Variants in THSD4 observed in about 807,000 individuals in gnomAD.
The protein encoded by THSD4 is thrombospondin type-1 domain-containing protein 4.
In THSD4, 69 loss-of-function variants were observed where a neutral mutation model predicts 119.0. The observed-to-expected ratio is 0.58, with a 90% confidence interval of 0.48 to 0.71. The LOEUF (loss-of-function observed/expected upper bound fraction) is 0.71, where lower values mean the gene tolerates loss of function less well. Ranked by LOEUF, THSD4 falls within the 30% of genes least tolerant of loss-of-function variation. The pLI is 0.00. For synonymous variants in THSD4, 524 were observed against 540.4 expected (o/e 0.97, Z 0.42); for missense variants, 1,393 against 1,391.1 (o/e 1.00, Z -0.02).
intron 6 of THSD4, among the ~76,000 whole-genome samples, chr15:71,344,728 C>T (rs531479627): frequency 4.6e-5 from 7 of 152,298 alleles, no homozygotes; most frequent in Admixed American, 1.3e-4. Flanking sequence ...AATGTAGAAG[C>T]ACCAAATTGT....
At chr15:71,665,367 G>A (rs1299523712) in intron 8 of THSD4, among the ~76,000 whole-genome samples, 1 of 151,512 alleles carries the variant, frequency 6.6e-6, no homozygotes, top group African/African-American at 2.4e-5. Flanking sequence ...CCGTAAACTT[G>A]TGAAAGTTCC....
At chr15:71,752,628 T>A (rs1043097890) in intron 14 of THSD4, among the ~76,000 whole-genome samples, 2 of 152,234 alleles carry the variant, frequency 1.3e-5, no homozygotes, top group Non-Finnish European at 2.9e-5. Flanking sequence ...TGACCATCAC[T>A]TATTTCGTAT....
chr15:71,599,911 A>T (rs1052256341), intron 7 of THSD4, among the ~76,000 whole-genome samples: 1 of 152,172 alleles, frequency 6.6e-6, no homozygotes, highest in Non-Finnish European at 1.5e-5. Flanking sequence ...CAGAGCCACA[A>T]ATCTTCTCAC....
chr15:71,612,704 G>T (rs2050252010), intron 7 of THSD4, among the ~76,000 whole-genome samples: 1 of 152,162 alleles, frequency 6.6e-6, no homozygotes, highest in African/African-American at 2.4e-5. Flanking sequence ...AACTCAAAGG[G>T]TCACAGTCAG....
At chr15:71,724,266 G>GATATATATATAT (rs144736427) in intron 8 of THSD4, among the ~76,000 whole-genome samples, 2 of 74,606 alleles carry the variant, frequency 2.7e-5, no homozygotes, top group African/African-American at 3.3e-5. Flanking sequence ...TCTATGATGG[G>GATATATATATAT]ATATATATAT....
intron 14 of THSD4, among the ~76,000 whole-genome samples, chr15:71,749,695 A>T (rs57127084): frequency 2.9e-5 from 1 of 34,902 alleles, no homozygotes; most frequent in African/African-American, 8.1e-5. Flanking sequence ...ATATTTTTAA[A>T]TTTTTATTTA....
chr15:71,434,014 A>C (rs1267598828), intron 7 of THSD4, among the ~76,000 whole-genome samples: 2 of 152,144 alleles, frequency 1.3e-5, no homozygotes, highest in African/African-American at 4.8e-5. Flanking sequence ...TAGTTTTATT[A>C]CACTAAAACA....
At chr15:71,545,794 G>A (rs373962886) in intron 7 of THSD4, among the ~76,000 whole-genome samples, 22 of 152,050 alleles carry the variant, frequency 1.4e-4, no homozygotes, top group Admixed American at 1.1e-3. Flanking sequence ...TTACAGCCCT[G>A]TAAAAAGGAA....
At chr15:71,599,338 G>A (rs1052358176) in intron 7 of THSD4, among the ~76,000 whole-genome samples, 26 of 152,024 alleles carry the variant, frequency 1.7e-4, no homozygotes, top group African/African-American at 6.0e-4. Context: ...GAGAGTCCAA[G>A]TCCTCTGAGC....
chr15:71,542,392 A>T (rs751832967), intron 7 of THSD4, among the ~76,000 whole-genome samples: 5 of 152,190 alleles, frequency 3.3e-5, no homozygotes, highest in African/African-American at 1.2e-4. Context: ...GGAAAAGGAA[A>T]AATACTATCT....
intron 6 of THSD4, among the ~76,000 whole-genome samples, chr15:71,379,447 C>CTTTT (rs1356266423): frequency 6.2e-5 from 7 of 112,838 alleles, no homozygotes; most frequent in South Asian, 3.3e-4. Context: ...AAGCAAATGG[C>CTTTT]TTCTTTTTTT....
chr15:71,512,149 C>G (rs2048292747), intron 7 of THSD4, among the ~76,000 whole-genome samples: 1 of 152,110 alleles, frequency 6.6e-6, no homozygotes. Flanking sequence ...AATTCTATGC[C>G]TAATGTGTTC....
At chr15:71,158,287 G>A (rs2040800991) in intron 3 of THSD4, among the ~76,000 whole-genome samples, 1 of 151,372 alleles carries the variant, frequency 6.6e-6, no homozygotes, top group Non-Finnish European at 1.5e-5. Context: ...CTGAGTAGCT[G>A]GGATTACAGG....
chr15:71,487,141 G>A (rs2047834992), intron 7 of THSD4, among the ~76,000 whole-genome samples: 2 of 152,190 alleles, frequency 1.3e-5, no homozygotes, highest in Admixed American at 1.3e-4. Flanking sequence ...AGTGCAACAT[G>A]CTTCTGACCT....
intron 1 of THSD4, among the ~76,000 whole-genome samples, chr15:71,125,695 G>T (rs1025359181): frequency 2.8e-4 from 43 of 152,196 alleles, no homozygotes; most frequent in Admixed American, 2.5e-3. Context: ...AGTCAGGAGG[G>T]GGGCGCCAGG....
At chr15:71,327,009 A>G (rs1218185025) in intron 6 of THSD4, among the ~76,000 whole-genome samples, 1 of 151,580 alleles carries the variant, frequency 6.6e-6, no homozygotes, top group Non-Finnish European at 1.5e-5. Flanking sequence ...CTCTACTAAA[A>G]TACAAAAATT....
At chr15:71,669,250 A>C (rs1046708592) in intron 8 of THSD4, among the ~76,000 whole-genome samples, 1 of 152,106 alleles carries the variant, frequency 6.6e-6, no homozygotes, top group African/African-American at 2.4e-5. Context: ...TTTATACTCT[A>C]TGACTTTGAC....
intron 15 of THSD4, 118 bp from the exon 16 acceptor site, chr15:71,764,902 T>C: frequency 1.5e-6 from 2 of 1,311,020 alleles, no homozygotes; most frequent in South Asian, 1.5e-5. Flanking sequence ...TCCTGGGTTC[T>C]TCCTCCTAGA....
intron 6 of THSD4, among the ~76,000 whole-genome samples, chr15:71,257,974 A>G (rs1026356160): frequency 1.3e-5 from 2 of 152,030 alleles, no homozygotes; most frequent in Admixed American, 6.6e-5. Context: ...TGAAATTTTG[A>G]TTTGATTCTG....
Sources: allele counts gnomAD v4.1 joint callset (sites outside exome capture counted in the v4.1 genomes callset), GRCh38; gene constraint gnomAD v4.1.1; transcripts MANE v1.5; gene names NCBI Gene and HGNC (gene_info 2026-07-23, HGNC 2026-07-21).